NCLN: variants seen among roughly 807,000 people sequenced by gnomAD.
The protein encoded by NCLN is BOS complex subunit NCLN.
In NCLN, 34 loss-of-function variants were observed where a neutral mutation model predicts 69.5. The ratio of observed to expected loss-of-function variants is 0.49; its 90% CI spans 0.37 to 0.65. The LOEUF is 0.65. Ranked by LOEUF, NCLN falls within the 30% of genes least tolerant of loss-of-function variation. The pLI is 0.00. For synonymous variants in NCLN, 393 were observed against 358.3 expected, an observed-to-expected ratio of 1.10 and a Z score of -1.09; for missense variants, 710 against 804.8, an observed-to-expected ratio of 0.88 and a Z score of 1.42.
In NCLN at chr19:3,201,475, G is replaced by A. The variant is rs1306416631; in HGVS notation, c.697-48G>A. 1.1e-5 allele frequency: 15 copies of A among 1,407,324 alleles called. No individual in the cohort carries two copies. In the Middle Eastern group the frequency reaches 7.3e-4, roughly 68 times the overall value. The allele number at this position is 1,407,324 out of a possible 1,614,324, so 87.2% of individuals were successfully genotyped here. On this transcript the variant is annotated intron_variant, in intron 5 of 14. Transcript: ENST00000246117. ...GCTGTGGGCGGAGGTCATGGGGTGC[G>A]GGAGCCGGGCGGGGGTGACTGTGGC...
chr19:3,203,888 C>T, intron 7 of NCLN, 44 bp downstream of exon 7: 1 of 1,598,864 alleles, frequency 6.3e-7, no homozygotes. Flanking sequence ...GGTGGTGGTG[C>T]CGTGGGGAGG....
chr19:3,190,733 C>A (rs188123064), intron 1 of NCLN, among the ~76,000 whole-genome samples: 2 of 152,180 alleles, frequency 1.3e-5, no homozygotes, highest in African/African-American at 4.8e-5. Flanking sequence ...CCGGGGCCCG[C>A]CCCCGGCCCC....
chr19:3,191,722 G>T (rs1915832236), intron 1 of NCLN, among the ~76,000 whole-genome samples: 1 of 152,184 alleles, frequency 6.6e-6, no homozygotes, highest in African/African-American at 2.4e-5. Context: ...GTTGTATATG[G>T]CTGCACTCAC....
intron 4 of NCLN, 24 bp downstream of exon 4, chr19:3,196,301 CA>C (rs1915952975): frequency 2.0e-6 from 3 of 1,506,410 alleles, no homozygotes; most frequent in African/African-American, 2.8e-5. Context: ...GCCCCGGAGC[CA>C]GCCCCACGTC....
chr19:3,195,863 A>C (rs1319278761), intron 3 of NCLN, among the ~76,000 whole-genome samples: 1 of 152,250 alleles, frequency 6.6e-6, no homozygotes, highest in Non-Finnish European at 1.5e-5. Context: ...GTGTGAACTC[A>C]CAGGCATTTT....
At chr19:3,197,448 T>C (rs1915994018) in intron 4 of NCLN, among the ~76,000 whole-genome samples, 4 of 152,166 alleles carry the variant, frequency 2.6e-5, no homozygotes, top group Admixed American at 2.6e-4. Context: ...TGCTTGTTTG[T>C]TTTTGTTTTT....
chr19:3,207,772 G>A lies in NCLN; in HGVS notation c.*84G>A. 1 of 1,285,506 alleles carries A rather than the reference G, an allele frequency of 7.8e-7. No individual in the cohort carries two copies. The highest frequency in any genetic ancestry group is 1.2e-5 in the South Asian group (1 of 81,054). 79.6% of individuals were successfully genotyped at this position (1,285,506 alleles called of 1,614,324 possible). On this transcript the variant is annotated 3_prime_UTR_variant, in exon 15 of 15. Transcript: ENST00000246117. The stretch of plus-strand genomic sequence containing the variant: ...AGTGAGTGGACACTGCCCCGCCGCG[G>A]GCGGCCCTGCAGGGACAGGGGCCCT...
chr19:3,202,982 C>G (rs1249996650), intron 6 of NCLN, among the ~76,000 whole-genome samples: 1 of 152,124 alleles, frequency 6.6e-6, no homozygotes, highest in Admixed American at 6.5e-5. Context: ...GTTTCCTTCT[C>G]TGACTCTGGT....
At chr19:3,193,182 C>CCCCCTGCTACCCCCTCCAGGGACAGTCAG (rs1915873852) in intron 2 of NCLN, 102 bp from the exon 3 acceptor site, 29 of 1,021,846 alleles carry the variant, frequency 2.8e-5, no homozygotes, top group Middle Eastern at 3.2e-4. Context: ...GGGACAGTCA[C>CCCCCTGCTACCCCCTCCAGGGACAGTCAG]TGGGCCCCCT....
chr19:3,203,776 C>G lies in NCLN; in HGVS notation c.821C>G (p.Ala274Gly). The G allele has an allele frequency of 6.2e-7, 1 of 1,612,950 alleles. No individual in the cohort carries two copies. The highest frequency in any genetic ancestry group is 8.5e-7 in the Non-Finnish European group (1 of 1,179,704). ...THAAYNLLFFASGGGKFNYQG... is the reference protein window; with the variant it reads ...THAAYNLLFFGSGGGKFNYQG... Reference sequence around the variant, plus strand: ...CCCAGCTACAACCTCCTGTTCTTTGCGTCTGGAGGAGGCAAGTTTAACTAC... The same window carrying G: ...CCCAGCTACAACCTCCTGTTCTTTGGGTCTGGAGGAGGCAAGTTTAACTAC... Residue 274 changes from alanine (A) to glycine (G), a missense_variant, in exon 7 of 15, where the codon GCG becomes GGG. Physicochemically the swap from Ala to Gly is moderately conservative, Grantham distance 60. Coordinates refer to ENST00000246117, the MANE Select transcript of NCLN (RefSeq NM_020170.4).
intron 12 of NCLN, 26 bp from the exon 13 acceptor site, chr19:3,207,172 C>G: frequency 6.2e-7 from 1 of 1,612,872 alleles, no homozygotes; most frequent in Non-Finnish European, 8.5e-7. Context: ...GCAGTGGTGC[C>G]CCCTGAGAAA....
intron 5 of NCLN, among the ~76,000 whole-genome samples, chr19:3,199,213 A>G (rs529091177): frequency 6.6e-6 from 1 of 152,342 alleles, no homozygotes; most frequent in South Asian, 2.1e-4. Flanking sequence ...GGCCTCCTCG[A>G]GGCTGTGGTT....
At chr19:3,188,899 G>A (rs72620511) in intron 1 of NCLN, among the ~76,000 whole-genome samples, 7,620 of 152,300 alleles carry the variant, frequency 0.05, 624 homozygotes, top group East Asian at 0.4. Context: ...AGAGACTGGG[G>A]GTGGTTTGGG....
chr19:3,196,799 C>CT (rs1190124458), intron 4 of NCLN, among the ~76,000 whole-genome samples: 20 of 152,262 alleles, frequency 1.3e-4, no homozygotes, highest in Non-Finnish European at 2.1e-4. Flanking sequence ...GTCGCTGCTG[C>CT]TGCAGCACTG....
intron 3 of NCLN, among the ~76,000 whole-genome samples, chr19:3,195,183 A>G (rs77562089): frequency 1.2e-4 from 4 of 32,634 alleles, no homozygotes; most frequent in Non-Finnish European, 2.0e-4. Context: ...CTCCGACTTG[A>G]AAAAAAAAAA....
At position 3,192,626 on chromosome 19, in the gene NCLN, G is replaced by A. The variant is rs764081362; in HGVS notation, c.341G>A (p.Arg114Lys). 13 of 1,582,960 alleles carry A rather than the reference G, an allele frequency of 8.2e-6. No homozygotes were observed. In the Admixed American group the frequency reaches 2.3e-4, roughly 28 times the overall value. The change falls in exon 2 of 15, where the codon AGG (arginine) becomes AAG (lysine). Residue 114 changes from arginine to lysine, a missense_variant. Arg to Lys is a conservative substitution (Grantham distance 26, BLOSUM62 2). Coordinates refer to ENST00000246117, the MANE Select transcript of NCLN (RefSeq NM_020170.4). ...GGCGCCGTGGTCATCATCCTGCCCA[G>A]GGCCATGGCCGCCGTGCCCCAGGAC... ...SAGAVVIILP[R>K]AMAAVPQDVV...
chr19:3,195,191 A>G (rs1165141025), intron 3 of NCLN, among the ~76,000 whole-genome samples: 2 of 151,828 alleles, frequency 1.3e-5, no homozygotes, highest in African/African-American at 4.8e-5. Context: ...TGAAAAAAAA[A>G]AAAATTACAG....
intron 4 of NCLN, among the ~76,000 whole-genome samples, chr19:3,198,107 G>C (rs1916015765): frequency 6.6e-6 from 1 of 152,226 alleles, no homozygotes; most frequent in African/African-American, 2.4e-5. Flanking sequence ...GAGGCAGGGA[G>C]GGGTGCACAC....
rs543580275 is a variant in NCLN at position 3,191,627 on chromosome 19, C to T, written c.185-843C>T. ...AGGGAAGGGCCGTCCCCATCTGGGA[C>T]CCCCTGTAACAGGAGTTGAATCCAG... On this transcript the variant is annotated intron_variant, in intron 1 of 14. Transcript: ENST00000246117. Among the ~76,000 whole-genome samples the T allele has an allele frequency of 5.9e-5, 9 of 152,314 alleles. No homozygotes were observed. The East Asian group carries it at 1.5e-3, about 26-fold the overall frequency.
Sources: gnomAD v4.1 joint callset for allele counts (sites outside exome capture counted in the v4.1 genomes callset) on GRCh38, gnomAD v4.1.1 for gene constraint, MANE v1.5 for transcripts, NCBI Gene and HGNC (gene_info 2026-07-23, HGNC 2026-07-21) for gene names.